MYT1L: variants seen among roughly 807,000 people sequenced by gnomAD.
MYT1L encodes the protein myelin transcription factor 1 like, also known as myelin transcription factor 1-like protein.
Under a neutral mutation model 126.7 loss-of-function variants are expected in MYT1L, and 12 were observed. The observed-to-expected ratio is 0.09, with a 90% CI of 0.06 to 0.15. The LOEUF is 0.15. Among genes scored for constraint, MYT1L ranks in the 10% least tolerant of loss-of-function variants. The pLI is 1.00. For missense variants in MYT1L, 979 were observed against 1,585.2 expected, an observed-to-expected ratio of 0.62 and a Z score of 6.49; for synonymous variants, 541 against 604.2, an observed-to-expected ratio of 0.90 and a Z score of 1.53.
intron 3 of MYT1L, among the ~76,000 whole-genome samples, chr2:2,137,181 A>G (rs913393404): frequency 5.1e-4 from 77 of 152,338 alleles, no homozygotes; most frequent in African/African-American, 1.8e-3. Context: ...TGCTCAATGA[A>G]ATAGAAGAGG....
chr2:2,181,662 G>A (rs1224051939), intron 2 of MYT1L, among the ~76,000 whole-genome samples: 3 of 152,112 alleles, frequency 2.0e-5, no homozygotes, highest in Non-Finnish European at 2.9e-5. Context: ...TTGTCTTCCC[G>A]GATGCAGTGC....
intron 3 of MYT1L, among the ~76,000 whole-genome samples, chr2:2,129,022 G>A (rs12614597): frequency 0.036 from 5,412 of 152,248 alleles, 111 homozygotes; most frequent in East Asian, 0.08. Context: ...AGTGGTTGGA[G>A]ACAAAAAACA....
intron 3 of MYT1L, among the ~76,000 whole-genome samples, chr2:2,069,180 G>A (rs960544454): frequency 3.9e-5 from 6 of 152,048 alleles, no homozygotes; most frequent in African/African-American, 7.2e-5. Flanking sequence ...CCGTCAACTC[G>A]TCATTGACAT....
chr2:2,217,204 CAAGAT>C (rs201765462), intron 2 of MYT1L, among the ~76,000 whole-genome samples: 2,072 of 152,136 alleles, frequency 0.014, 45 homozygotes, highest in African/African-American at 0.047. Flanking sequence ...AAAGATACCA[CAAGAT>C]AAGAAAGTCA....
intron 8 of MYT1L, among the ~76,000 whole-genome samples, chr2:1,970,669 C>A (rs914725940): frequency 3.3e-5 from 5 of 152,266 alleles, no homozygotes; most frequent in South Asian, 2.1e-4. Context: ...CATCAGGACT[C>A]CCTCTCTCCA....
At chr2:2,254,114 TGTGTGTATCCCAAAGA>T (rs1190238686) in intron 2 of MYT1L, among the ~76,000 whole-genome samples, 1 of 152,194 alleles carries the variant, frequency 6.6e-6, no homozygotes, top group African/African-American at 2.4e-5. Flanking sequence ...CACTGTGCAT[TGTGTGTATCCCAAAGA>T]GTATATGGTA....
chr2:1,900,302 CT>C (rs139592482), intron 14 of MYT1L, among the ~76,000 whole-genome samples: 6,604 of 146,366 alleles, frequency 0.045, 158 homozygotes, highest in East Asian at 0.079. Flanking sequence ...TTCCAGGAGG[CT>C]TTTTTTTTTT....
chr2:1,941,693 G>A (rs2056666315), intron 9 of MYT1L, among the ~76,000 whole-genome samples: 1 of 149,568 alleles, frequency 6.7e-6, no homozygotes, highest in South Asian at 2.1e-4. Context: ...GCATCTATGT[G>A]TATATACATA....
intron 1 of MYT1L, among the ~76,000 whole-genome samples, chr2:2,313,017 C>A (rs1427154297): frequency 6.6e-6 from 1 of 151,800 alleles, no homozygotes; most frequent in African/African-American, 2.4e-5. Flanking sequence ...GTGTCCTGGG[C>A]AGAGGAGAAG....
At chr2:2,192,763 G>C (rs182921662) in intron 2 of MYT1L, among the ~76,000 whole-genome samples, 7 of 152,276 alleles carry the variant, frequency 4.6e-5, no homozygotes, top group Admixed American at 4.6e-4. Context: ...GCAATTGGGG[G>C]ACGGTGATGG....
intron 1 of MYT1L, among the ~76,000 whole-genome samples, chr2:2,301,380 TCA>T (rs2095782537): frequency 6.6e-6 from 1 of 152,222 alleles, no homozygotes; most frequent in Non-Finnish European, 1.5e-5. Context: ...GTAGACACAT[TCA>T]TTTTTTCATC....
chr2:2,303,318 G>C (rs1388574850), intron 1 of MYT1L, among the ~76,000 whole-genome samples: 1 of 152,104 alleles, frequency 6.6e-6, no homozygotes, highest in Non-Finnish European at 1.5e-5. Context: ...TGTCTTCCGC[G>C]GGGGCACCTT....
intron 3 of MYT1L, among the ~76,000 whole-genome samples, chr2:2,116,461 T>C (rs1049909473): frequency 6.6e-6 from 1 of 152,216 alleles, no homozygotes; most frequent in Non-Finnish European, 1.5e-5. Flanking sequence ...CTTGGAATCA[T>C]GAGCAAACAA....
chr2:2,262,200 A>G (rs1280266465), intron 2 of MYT1L, among the ~76,000 whole-genome samples: 1 of 152,172 alleles, frequency 6.6e-6, no homozygotes, highest in Non-Finnish European at 1.5e-5. Context: ...AACTTTGGGG[A>G]AGAATAATGA....
chr2:2,327,961 A>T (rs574700497), intron 1 of MYT1L, among the ~76,000 whole-genome samples: 1 of 152,210 alleles, frequency 6.6e-6, no homozygotes, highest in African/African-American at 2.4e-5. Flanking sequence ...TCTCTCCCTC[A>T]AATTAAATTG....
At chr2:2,264,021 A>C (rs1442904952) in intron 2 of MYT1L, among the ~76,000 whole-genome samples, 1 of 152,208 alleles carries the variant, frequency 6.6e-6, no homozygotes, top group African/African-American at 2.4e-5. Flanking sequence ...TAATAATAAA[A>C]ATCTTGCATT....
chr2:2,325,049 G>A (rs563107302), intron 1 of MYT1L: 6 of 152,608 alleles, frequency 3.9e-5, no homozygotes, highest in East Asian at 3.9e-4. Flanking sequence ...GATGAGAACT[G>A]TAAATACCGG....
intron 23 of MYT1L, 83 bp from the exon 24 acceptor site, chr2:1,792,547 G>T: frequency 6.9e-7 from 1 of 1,447,988 alleles, no homozygotes; most frequent in Non-Finnish European, 9.3e-7. Flanking sequence ...CAGTCTACTG[G>T]GTGCGAAGAA....
chr2:1,942,992 TTCC>T lies in MYT1L; in HGVS notation c.492_494del (p.Glu167del). ...TATTTTAAAGATTACCGTTTTCTTCTTCCTCTTCCTCCTCCTCCTCCTCCTCCT... is the reference window on the plus strand; with the variant it reads ...TATTTTAAAGATTACCGTTTTCTTCTTCTTCCTCCTCCTCCTCCTCCTCCT... On this transcript the variant is annotated inframe_deletion, in exon 9 of 25. Coordinates refer to ENST00000647738, the MANE Select transcript of MYT1L (RefSeq NM_001303052.2). 6.5e-7 allele frequency: 1 copy of T among 1,537,172 alleles called. No individual in the cohort carries two copies. Among genetic ancestry groups the T allele is most frequent in the Non-Finnish European group, 8.8e-7 (1 of 1,138,570 alleles).
Sources: gnomAD v4.1 joint callset for allele counts (sites outside exome capture counted in the v4.1 genomes callset) on GRCh38, gnomAD v4.1.1 for gene constraint, MANE v1.5 for transcripts, NCBI Gene and HGNC (gene_info 2026-07-23, HGNC 2026-07-21) for gene names.